The following ZNF718 variants were observed in gnomAD, a reference collection of about 807,000 sequenced individuals.
ZNF718 encodes the protein zinc finger protein 718.
In ZNF718, 3 loss-of-function variants were observed where a neutral mutation model predicts 2.6. That is an observed-to-expected ratio of 1.16 (90% CI 0.53 to 3.01). The LOEUF (loss-of-function observed/expected upper bound fraction) is 3.01. Among genes scored for constraint, ZNF718 ranks in the 30% most tolerant of loss-of-function variants. ZNF718 has a pLI of 0.03. For missense variants in ZNF718, 468 were observed against 230.0 expected, an observed-to-expected ratio of 2.03 and a Z score of -6.69; for synonymous variants, 135 against 77.9, an observed-to-expected ratio of 1.73 and a Z score of -3.86.
intron 3 of ZNF718, among the ~76,000 whole-genome samples, chr4:194,781 T>C (rs1717759512): frequency 6.6e-6 from 1 of 152,128 alleles, no homozygotes; most frequent in Admixed American, 6.5e-5. Context: ...CCAGAATACA[T>C]CTTAGGGGCA....
At chr4:194,355 A>G (rs1016202715) in intron 3 of ZNF718, among the ~76,000 whole-genome samples, 2 of 152,228 alleles carry the variant, frequency 1.3e-5, no homozygotes, top group African/African-American at 2.4e-5. Context: ...TGAATAATTT[A>G]TAGACTTCTT....
chr4:161,376 G>A lies in ZNF718; in HGVS notation c.691G>A (p.Glu231Lys), dbSNP rs1553815079. 1 of 779,092 alleles carries A rather than the reference G, an allele frequency of 1.3e-6. No individual in the cohort carries two copies. Among genetic ancestry groups the A allele is most frequent in the Non-Finnish European group, 2.4e-6 (1 of 417,286 alleles). The allele number at this position is 779,092 out of a possible 1,614,324, so 48.3% of individuals were successfully genotyped here. ...CAGAGAGAAATTCTACAAGTGTGAA[G>A]AATGTGGTAAAGGCTTTACTCGGTC... is the stretch of plus-strand genomic sequence containing the variant. ...HAREKFYKCE[E>K]CGKGFTRSSH... Residue 231 changes from glutamate to lysine, a missense_variant, in exon 4 of 4, where the codon GAA becomes AAA. By Grantham distance (56) the Glu-to-Lys change is moderately conservative. Coordinates refer to ENST00000510175, the MANE Select transcript of ZNF718 (RefSeq NM_001039127.6).
chr4:165,330 G>A (rs2108807553), downstream of ZNF718, among the ~76,000 whole-genome samples: 1 of 152,226 alleles, frequency 6.6e-6, no homozygotes, highest in Admixed American at 6.5e-5. Context: ...GATTAAGGCA[G>A]TCAGCATTGT....
chr4:159,183 T>C (rs2108801551), intron 3 of ZNF718, among the ~76,000 whole-genome samples: 1 of 151,846 alleles, frequency 6.6e-6, no homozygotes, highest in African/African-American at 2.4e-5. Flanking sequence ...ACTACAGGCA[T>C]GTGCACCACA....
intron 3 of ZNF718, chr4:150,424 T>C (rs1716264303): frequency 6.6e-6 from 1 of 152,144 alleles, no homozygotes; most frequent in Non-Finnish European, 1.5e-5. Flanking sequence ...AGGTGTTATA[T>C]CCAAAAATGA....
chr4:152,393 G>C (rs1553812733), intron 3 of ZNF718, among the ~76,000 whole-genome samples: 1 of 112,960 alleles, frequency 8.9e-6, no homozygotes, highest in Non-Finnish European at 1.8e-5. Context: ...GGCTTTCCTA[G>C]GCAGAGGTCC....
chr4:189,249 T>G (rs548319912), intron 3 of ZNF718, among the ~76,000 whole-genome samples: 1 of 152,074 alleles, frequency 6.6e-6, no homozygotes, highest in South Asian at 2.1e-4. Flanking sequence ...TCATTGGGTA[T>G]TTTGATCATA....
At position 124,645 on chromosome 4, in the gene ZNF718, C is replaced by T. The variant is rs781893045; in HGVS notation, c.-26C>T. 22 of 1,607,494 alleles carry T rather than the reference C, an allele frequency of 1.4e-5. No homozygotes were observed. The Admixed American group carries it at 3.5e-4, about 26-fold the overall frequency. On this transcript the variant is annotated 5_prime_UTR_variant, in exon 1 of 4. Coordinates refer to ENST00000510175, the MANE Select transcript of ZNF718 (RefSeq NM_001039127.6). Reference sequence around the variant, plus strand: ...GGTATTGGATGATTCGTATCTAAGACTCTGGGACACTCCTGAAGTCGGGAA... The same window carrying T: ...GGTATTGGATGATTCGTATCTAAGATTCTGGGACACTCCTGAAGTCGGGAA...
At chr4:187,940 A>G (rs1343563569) in intron 3 of ZNF718, among the ~76,000 whole-genome samples, 1 of 152,184 alleles carries the variant, frequency 6.6e-6, no homozygotes, top group Non-Finnish European at 1.5e-5. Context: ...GAACATGGGC[A>G]TGGGTGGCAG....
chr4:151,354 G>A (rs1560117170), intron 3 of ZNF718, among the ~76,000 whole-genome samples: 1 of 152,044 alleles, frequency 6.6e-6, no homozygotes, highest in Non-Finnish European at 1.5e-5. Context: ...AGTCTGCCCA[G>A]TTTGGCCTCC....
At chr4:124,477 G>A (rs1715097574), upstream of ZNF718, 6 of 662,258 alleles carry the variant, frequency 9.1e-6, no homozygotes, top group Non-Finnish European at 1.6e-5. Flanking sequence ...CAGAGAGGAG[G>A]GTGCGGCATC....
chr4:127,106 G>C (rs1715257475), intron 1 of ZNF718, among the ~76,000 whole-genome samples: 1 of 150,546 alleles, frequency 6.6e-6, no homozygotes, highest in Non-Finnish European at 1.5e-5. Context: ...TTATAGGCGT[G>C]AGCCACCGTG....
chr4:138,152 A>G (rs1349556856), intron 3 of ZNF718, among the ~76,000 whole-genome samples: 6 of 152,200 alleles, frequency 3.9e-5, no homozygotes, highest in Non-Finnish European at 7.3e-5. Flanking sequence ...ACCTAACTAC[A>G]TTCTTTTAGT....
At chr4:151,636 A>G (rs1716327486) in intron 3 of ZNF718, among the ~76,000 whole-genome samples, 1 of 151,962 alleles carries the variant, frequency 6.6e-6, no homozygotes, top group Non-Finnish European at 1.5e-5. Context: ...GCCCACCATC[A>G]TGCCGTACTC....
chr4:165,823 A>G (rs141968952), downstream of ZNF718, among the ~76,000 whole-genome samples: 430 of 151,812 alleles, frequency 2.8e-3, 5 homozygotes, highest in African/African-American at 9.5e-3. Context: ...TCTTGGAGAC[A>G]GTGATAGGTG....
At chr4:185,253 T>C (rs559811812) in intron 3 of ZNF718, among the ~76,000 whole-genome samples, 1 of 152,332 alleles carries the variant, frequency 6.6e-6, no homozygotes, top group Non-Finnish European at 1.5e-5. Context: ...TTAATGTCAT[T>C]ATTTACCCAT....
At chr4:187,528 C>A (rs1289214441) in intron 3 of ZNF718, among the ~76,000 whole-genome samples, 1 of 152,196 alleles carries the variant, frequency 6.6e-6, no homozygotes, top group Admixed American at 6.5e-5. Flanking sequence ...GCCACTGTGC[C>A]TGGCAGTCAC....
At chr4:142,225 A>G (rs996346985) in intron 3 of ZNF718, among the ~76,000 whole-genome samples, 13 of 152,224 alleles carry the variant, frequency 8.5e-5, no homozygotes, top group African/African-American at 2.7e-4. Context: ...CAAGTTCACA[A>G]ATTAAAACTT....
At chr4:134,175 G>A (rs1342918711) in intron 3 of ZNF718, among the ~76,000 whole-genome samples, 1 of 152,104 alleles carries the variant, frequency 6.6e-6, no homozygotes, top group East Asian at 1.9e-4. Flanking sequence ...TTGAGATGGA[G>A]TCTCGCTGTC....
Sources: gnomAD v4.1 joint callset for allele counts (sites outside exome capture counted in the v4.1 genomes callset) on GRCh38, gnomAD v4.1.1 for gene constraint, MANE v1.5 for transcripts, NCBI Gene and HGNC (gene_info 2026-07-23, HGNC 2026-07-21) for gene names.